The following DUX4 variants were observed in gnomAD, a reference collection of about 807,000 sequenced individuals.
DUX4 encodes the protein double homeobox 4.
At chr4:190,177,991 G>T (rs1742397770), downstream of DUX4, among the ~76,000 whole-genome samples, 1 of 151,638 alleles carries the variant, frequency 6.6e-6, no homozygotes, top group Admixed American at 6.6e-5. Flanking sequence ...GGTGATCAGG[G>T]CAGAGATATG....
downstream of DUX4, among the ~76,000 whole-genome samples, chr4:190,176,938 C>T (rs1476986838): frequency 9.9e-5 from 4 of 40,460 alleles, 1 homozygote; most frequent in Non-Finnish European, 2.3e-4. Context: ...AGAGCCTAGA[C>T]AAGAGTTACT....
At chr4:190,178,927 TC>T (rs1742464176), downstream of DUX4, among the ~76,000 whole-genome samples, 1 of 137,104 alleles carries the variant, frequency 7.3e-6, no homozygotes, top group Non-Finnish European at 1.6e-5. Flanking sequence ...AAGACAAGAG[TC>T]CGTCTCCTGG....
chr4:190,177,028 A>G (rs2126566541), downstream of DUX4, among the ~76,000 whole-genome samples: 3 of 151,432 alleles, frequency 2.0e-5, no homozygotes, highest in Non-Finnish European at 3.0e-5. Flanking sequence ...CACCTGGGTG[A>G]TCAGTGCAGA....
downstream of DUX4, among the ~76,000 whole-genome samples, chr4:190,179,348 G>GTGATCAGTGGAGTGATATGACACAA (rs1742488267): frequency 6.6e-6 from 1 of 151,848 alleles, no homozygotes; most frequent in Admixed American, 6.6e-5. Flanking sequence ...CATGACCTAG[G>GTGATCAGTGGAGTGATATGACACAA]TGATCAGTGC....
rs1293489486 is a variant in DUX4 at position 190,183,241 on chromosome 4, T to A, written n.93-2100T>A. ...CACTATTACTTAATATATAGGCTAT[T>A]AAGACATGTTTGTCTTCAAAGAATG... On this transcript the variant is annotated intron_variant and non_coding_transcript_variant, in intron 1 of 2. Transcript: ENST00000563716. 3.9e-4 allele frequency: 42 copies of A among 107,146 alleles called. 8 individuals are homozygous for A. Among genetic ancestry groups the A allele is most frequent in the Non-Finnish European group, 8.0e-4 (37 of 46,022 alleles). 6.6% of individuals were successfully genotyped at this position (107,146 alleles called of 1,614,324 possible). A position where few individuals can be genotyped will look rare whatever the true frequency, so the allele number is the denominator to read the frequency against.
downstream of DUX4, among the ~76,000 whole-genome samples, chr4:190,177,399 CTGTAGGTCGAG>C (rs1742364848): frequency 2.2e-4 from 5 of 22,494 alleles, no homozygotes; most frequent in Non-Finnish European, 4.2e-4. Flanking sequence ...CACAAAGCCC[CTGTAGGTCGAG>C]TCTAGACAAG....
At chr4:190,178,569 G>GACAAGAGTTACATCACTTAGGTGATCAGT (rs1579834400), downstream of DUX4, among the ~76,000 whole-genome samples, 1 of 140,740 alleles carries the variant, frequency 7.1e-6, no homozygotes, top group Non-Finnish European at 1.6e-5. Flanking sequence ...GCCCCCTGTA[G>GACAAGAGTTACATCACTTAGGTGATCAGT]GCAGAGGGTA....
chr4:190,180,146 A>T (rs1742533834), downstream of DUX4, among the ~76,000 whole-genome samples: 25 of 88,202 alleles, frequency 2.8e-4, no homozygotes, highest in Middle Eastern at 7.0e-3. Context: ...GAGCCTAGAG[A>T]AGAGTCCCAT....
At chr4:190,179,076 TGATCAGTGCAGAGA>T (rs1742477320), downstream of DUX4, among the ~76,000 whole-genome samples, 5 of 2,390 alleles carry the variant, frequency 2.1e-3, no homozygotes, top group East Asian at 9.4e-3. Flanking sequence ...ATTACTTGGG[TGATCAGTGCAGAGA>T]TATGTCACAA....
downstream of DUX4, among the ~76,000 whole-genome samples, chr4:190,177,385 A>C (rs1742363720): frequency 7.5e-6 from 1 of 132,604 alleles, no homozygotes; most frequent in Admixed American, 7.8e-5. Flanking sequence ...GTGCAGAAAT[A>C]TGTCACAAAG....
chr4:190,181,476 C>T (rs1579837505), intron 1 of DUX4, among the ~76,000 whole-genome samples: 621 of 114,200 alleles, frequency 5.4e-3, no homozygotes, highest in African/African-American at 7.6e-3. Context: ...ATGATCAGTG[C>T]AGAGATACGT....
chr4:190,178,158 C>A (rs1742406574), downstream of DUX4, among the ~76,000 whole-genome samples: 2 of 152,200 alleles, frequency 1.3e-5, no homozygotes, highest in African/African-American at 4.8e-5. Flanking sequence ...CCTCTGTAGG[C>A]AGAGACTAGA....
downstream of DUX4, among the ~76,000 whole-genome samples, chr4:190,176,274 G>C (rs1290723361): frequency 1.1e-4 from 12 of 114,092 alleles, no homozygotes; most frequent in African/African-American, 2.6e-4. Flanking sequence ...CATCTCCTGA[G>C]TGAGCATTGG....
chr4:190,181,483 A>G (rs2126583865), intron 1 of DUX4, among the ~76,000 whole-genome samples: 201 of 148,138 alleles, frequency 1.4e-3, no homozygotes, highest in Middle Eastern at 3.6e-3. Flanking sequence ...GTGCAGAGAT[A>G]CGTCACAAGG....
chr4:190,179,616 C>A (rs1579835785), downstream of DUX4, among the ~76,000 whole-genome samples: 437 of 27,072 alleles, frequency 0.016, no homozygotes, highest in East Asian at 0.42. Flanking sequence ...GTTACAGCAC[C>A]TGGGAGATCA....
downstream of DUX4, among the ~76,000 whole-genome samples, chr4:190,179,470 AG>A (rs1742495994): frequency 6.7e-6 from 1 of 149,550 alleles, no homozygotes; most frequent in Non-Finnish European, 1.5e-5. Flanking sequence ...CCTAGAGAAG[AG>A]TTATATCACC....
At chr4:190,177,187 A>AGCGCCCCCGTAGGC (rs1579832519), downstream of DUX4, among the ~76,000 whole-genome samples, 1 of 151,852 alleles carries the variant, frequency 6.6e-6, no homozygotes, top group African/African-American at 2.4e-5. Flanking sequence ...GCTATGTCAA[A>AGCGCCCCCGTAGGC]ACGCCCCTGT....
downstream of DUX4, among the ~76,000 whole-genome samples, chr4:190,177,192 C>CCAGAGCCTAGATAAATGTTACATCA (rs1742350155): frequency 3.2e-5 from 4 of 126,282 alleles, no homozygotes; most frequent in Admixed American, 8.0e-5. Context: ...GTCAAAACGC[C>CCAGAGCCTAGATAAATGTTACATCA]CCTGTAGGCA....
At chr4:190,175,936 A>T (rs1282705992), downstream of DUX4, 44 of 124,328 alleles carry the variant, frequency 3.5e-4, 11 homozygotes, top group Middle Eastern at 3.2e-3. Context: ...AACTTCGGTG[A>T]TCAGTGCAGA....
Sources: allele counts gnomAD v4.1 joint callset (sites outside exome capture counted in the v4.1 genomes callset), GRCh38; gene constraint gnomAD v4.1.1; transcripts MANE v1.5; gene names NCBI Gene and HGNC (gene_info 2026-07-23, HGNC 2026-07-21).